PRKCB: variants seen among roughly 807,000 people sequenced by gnomAD.
PRKCB encodes protein kinase C beta type.
A neutral mutation model predicts 81.5 loss-of-function variants in PRKCB; 13 were observed. The observed-to-expected ratio is 0.16, with a 90% CI of 0.10 to 0.25. The LOEUF (loss-of-function observed/expected upper bound fraction) is 0.25. Ranked by LOEUF, PRKCB falls within the 10% of genes least tolerant of loss-of-function variation. The pLI, the probability that PRKCB is intolerant of heterozygous loss-of-function variation, is 1.00. For synonymous variants in PRKCB, 335 were observed against 321.4 expected, an observed-to-expected ratio of 1.04 and a Z score of -0.45; for missense variants, 509 against 875.7, an observed-to-expected ratio of 0.58 and a Z score of 5.29.
intron 2 of PRKCB, among the ~76,000 whole-genome samples, chr16:23,922,506 G>T (rs1963840421): frequency 6.6e-6 from 1 of 152,192 alleles, no homozygotes; most frequent in South Asian, 2.1e-4. Flanking sequence ...CATTTTTAAA[G>T]ACTATATGCA....
Position 24,124,210 on chromosome 16 carries a change from G to A in PRKCB, c.1065+229G>A, listed in dbSNP as rs142971464. Reference sequence around the variant, plus strand: ...GAGGTGACACATATACTGAGACCTGGATGATGAGAAAGAACTAGCTATGCT... The same window carrying A: ...GAGGTGACACATATACTGAGACCTGAATGATGAGAAAGAACTAGCTATGCT... On this transcript the variant is annotated intron_variant, in intron 9 of 16. Transcript: ENST00000643927. Among the ~76,000 whole-genome samples the A allele has an allele frequency of 3.3e-3, 507 of 152,314 alleles. 2 individuals carry two copies. The highest frequency in any genetic ancestry group is 0.012 in the African/African-American group (486 of 41,560).
At chr16:23,863,255 TAC>T (rs57495485) in intron 2 of PRKCB, among the ~76,000 whole-genome samples, 1,985 of 132,834 alleles carry the variant, frequency 0.015, 46 homozygotes, top group African/African-American at 0.049. Context: ...TATATACACA[TAC>T]ACACACACAC....
At chr16:24,158,023 A>G (rs752673376) in intron 10 of PRKCB, among the ~76,000 whole-genome samples, 43 of 152,202 alleles carry the variant, frequency 2.8e-4, no homozygotes, top group African/African-American at 5.1e-4. Context: ...CCAAGGATGG[A>G]ACAGATTGCT....
At chr16:23,957,469 T>A (rs1028958244) in intron 2 of PRKCB, among the ~76,000 whole-genome samples, 2 of 152,156 alleles carry the variant, frequency 1.3e-5, no homozygotes, top group Non-Finnish European at 2.9e-5. Flanking sequence ...AAGCCCCAGG[T>A]GTCCCAGGAG....
At chr16:24,081,240 T>C (rs141810198) in intron 5 of PRKCB, among the ~76,000 whole-genome samples, 95 of 151,904 alleles carry the variant, frequency 6.3e-4, no homozygotes, top group African/African-American at 2.2e-3. Context: ...AGTTTTATCC[T>C]GAGAATGCAA....
intron 2 of PRKCB, among the ~76,000 whole-genome samples, chr16:23,875,499 A>AT (rs1567298266): frequency 0.051 from 899 of 17,488 alleles, 210 homozygotes; most frequent in Middle Eastern, 0.088. Flanking sequence ...ATATATATAT[A>AT]TATATATGAT....
intron 9 of PRKCB, among the ~76,000 whole-genome samples, chr16:24,136,161 C>T (rs1446060313): frequency 6.6e-6 from 1 of 151,674 alleles, no homozygotes; most frequent in African/African-American, 2.4e-5. Context: ...TCCACCTTCC[C>T]GAATTTTCCA....
chr16:24,078,748 AG>A (rs1966212558), intron 5 of PRKCB, among the ~76,000 whole-genome samples: 1 of 152,156 alleles, frequency 6.6e-6, no homozygotes, highest in Non-Finnish European at 1.5e-5. Flanking sequence ...TTCCCTGTCG[AG>A]GGAAATGGTC....
intron 5 of PRKCB, among the ~76,000 whole-genome samples, chr16:24,047,053 G>A (rs1965775836): frequency 1.3e-5 from 2 of 151,920 alleles, no homozygotes; most frequent in South Asian, 2.1e-4. Flanking sequence ...AAATTAGCTG[G>A]GTAGGCAGGG....
In PRKCB at chr16:24,031,415, C is replaced by T. The variant is rs558639059; in HGVS notation, c.289-721C>T. Among the ~76,000 whole-genome samples the T allele has an allele frequency of 3.3e-5, 5 of 152,268 alleles. No homozygotes were observed. In the East Asian group the frequency reaches 9.6e-4, roughly 29 times the overall value. On this transcript the variant is annotated intron_variant, in intron 3 of 16. Coordinates refer to ENST00000643927, the MANE Select transcript of PRKCB (RefSeq NM_002738.7). ...TTGAACCAGTGGGGAGAGGGAAAGG[C>T]TCAAGGAAGTATGCATTTCCATTTG...
At chr16:24,137,901 A>G (rs1315604602) in intron 9 of PRKCB, among the ~76,000 whole-genome samples, 1 of 152,166 alleles carries the variant, frequency 6.6e-6, no homozygotes, top group Non-Finnish European at 1.5e-5. Context: ...CCCACCCCAC[A>G]GTTTCACCTT....
At chr16:24,187,875 A>G (rs1967729291) in intron 15 of PRKCB, among the ~76,000 whole-genome samples, 1 of 152,094 alleles carries the variant, frequency 6.6e-6, no homozygotes. Flanking sequence ...CTTCCTTTGC[A>G]TCTCTGGGCT....
intron 2 of PRKCB, among the ~76,000 whole-genome samples, chr16:23,928,021 C>T (rs1036492755): frequency 4.6e-5 from 7 of 151,538 alleles, no homozygotes; most frequent in Non-Finnish European, 8.8e-5. Context: ...TAGATTCAGG[C>T]GAGAAGAGAG....
intron 2 of PRKCB, chr16:23,963,077 G>T (rs997163459): frequency 6.6e-6 from 1 of 152,150 alleles, no homozygotes; most frequent in East Asian, 1.9e-4. Flanking sequence ...CCATTATTTC[G>T]TTCCGTTTTA....
chr16:24,203,211 A>T (rs575912927), intron 16 of PRKCB: 17 of 151,840 alleles, frequency 1.1e-4, no homozygotes, highest in African/African-American at 3.9e-4. Flanking sequence ...CCCAGGCTTA[A>T]GCAATCCTCC....
rs955792217 is a variant in PRKCB, at chr16:23,911,210, T to C, written c.205+73804T>C. 4.5e-5 allele frequency among the ~76,000 whole-genome samples: 6 copies of C among 133,112 alleles called. No homozygotes were observed. The East Asian group carries it at 1.5e-3, about 34-fold the overall frequency. The allele number at this position is 133,112 out of a possible 152,430, so 87.3% of individuals were successfully genotyped here. A position where few individuals can be genotyped will look rare whatever the true frequency, so the allele number is the denominator to read the frequency against. Reference sequence around the variant, plus strand: ...GCACAATCACAGCTCATTGCAGCCTTGAACTCCCAGGCTCAAGTGATCATC... The same window carrying C: ...GCACAATCACAGCTCATTGCAGCCTCGAACTCCCAGGCTCAAGTGATCATC... On this transcript the variant is annotated intron_variant, in intron 2 of 16. Transcript: ENST00000643927.
At chr16:23,841,649 C>CTTTTTTTTTTTTTTTTTTT (rs59288831) in intron 2 of PRKCB, among the ~76,000 whole-genome samples, 1 of 59,046 alleles carries the variant, frequency 1.7e-5, no homozygotes, top group African/African-American at 7.3e-5. Context: ...CACCACGGCC[C>CTTTTTTTTTTTTTTTTTTT]TTTTTTTTTT....
chr16:24,041,868 C>T (rs970099188), intron 5 of PRKCB, among the ~76,000 whole-genome samples: 2 of 151,734 alleles, frequency 1.3e-5, no homozygotes, highest in Non-Finnish European at 2.9e-5. Flanking sequence ...CCTGTAATCC[C>T]AGCTACTCAG....
intron 3 of PRKCB, among the ~76,000 whole-genome samples, chr16:24,009,658 G>A (rs1213467624): frequency 6.6e-6 from 1 of 151,658 alleles, no homozygotes; most frequent in Admixed American, 6.6e-5. Context: ...GTACACTGTT[G>A]GCAGGAATAC....
Sources: allele counts gnomAD v4.1 joint callset (sites outside exome capture counted in the v4.1 genomes callset), GRCh38; gene constraint gnomAD v4.1.1; transcripts MANE v1.5; gene names NCBI Gene and HGNC (gene_info 2026-07-23, HGNC 2026-07-21).